ITPK1: variants seen among roughly 807,000 people sequenced by gnomAD.
ITPK1 encodes inositol 1,3,4-trisphosphate 5/6-kinase.
A neutral mutation model predicts 45.3 loss-of-function variants in ITPK1; 21 were observed. The observed-to-expected ratio is 0.46, with a 90% CI of 0.33 to 0.67. The LOEUF (loss-of-function observed/expected upper bound fraction) is 0.67, where lower values mean the gene tolerates loss of function less well. Ranked by LOEUF, ITPK1 falls within the 30% of genes least tolerant of loss-of-function variation. The pLI, the probability that ITPK1 is intolerant of heterozygous loss-of-function variation, is 0.02. For missense variants in ITPK1, 474 were observed against 573.5 expected, an observed-to-expected ratio of 0.83 and a Z score of 1.77; for synonymous variants, 258 against 253.6, an observed-to-expected ratio of 1.02 and a Z score of -0.16.
Position 92,940,862 on chromosome 14 carries a change from A to G in ITPK1, c.*699T>C. 5 of 1,288,624 alleles carry G rather than the reference A, an allele frequency of 3.9e-6. 1 individual carries two copies. The South Asian group carries it at 4.9e-5, about 13-fold the overall frequency. The allele number at this position is 1,288,624 out of a possible 1,614,324, so 79.8% of individuals were successfully genotyped here. A position where few individuals can be genotyped will look rare whatever the true frequency, so the allele number is the denominator to read the frequency against. On this transcript the variant is annotated 3_prime_UTR_variant, in exon 11 of 11. Transcript: ENST00000267615. Reference sequence around the variant, plus strand: ...AGCAGTGCTGGCTTAGGGGAAGGAGACCGCTGTGCAGGGCTAAATGGGACG... The same window carrying G: ...AGCAGTGCTGGCTTAGGGGAAGGAGGCCGCTGTGCAGGGCTAAATGGGACG...
intron 4 of ITPK1, among the ~76,000 whole-genome samples, chr14:92,996,434 G>A (rs1264570352): frequency 1.4e-5 from 2 of 139,874 alleles, no homozygotes; most frequent in African/African-American, 5.1e-5. Flanking sequence ...GGCCTGTCGC[G>A]GGGTGGGGGG....
chr14:93,004,359 C>T (rs1887501566), intron 4 of ITPK1, among the ~76,000 whole-genome samples: 1 of 152,226 alleles, frequency 6.6e-6, no homozygotes, highest in African/African-American at 2.4e-5. Flanking sequence ...TCTTTCCTAA[C>T]TTTTCTAAAA....
intron 5 of ITPK1, among the ~76,000 whole-genome samples, chr14:92,993,295 C>T (rs1430025623): frequency 6.6e-6 from 1 of 152,260 alleles, no homozygotes; most frequent in Non-Finnish European, 1.5e-5. Context: ...GTCTTTCTCA[C>T]ATAAACACCT....
chr14:93,074,685 G>A (rs1891146093), intron 3 of ITPK1, among the ~76,000 whole-genome samples: 1 of 152,222 alleles, frequency 6.6e-6, no homozygotes, highest in African/African-American at 2.4e-5. Context: ...CCAGCTGTCA[G>A]TCTCAGGCTT....
chr14:93,014,116 T>C lies in ITPK1; in HGVS notation c.246+2560A>G, dbSNP rs921358215. Among the ~76,000 whole-genome samples the C allele has an allele frequency of 6.6e-6, 1 of 151,958 alleles. No homozygotes were observed. Among genetic ancestry groups the C allele is most frequent in the Non-Finnish European group, 1.5e-5 (1 of 68,018 alleles). ...CGGCCTCTTACTGAAGCACAGACGG[T>C]GATGAAAATTTATCCCAGAAATATC... On this transcript the variant is annotated intron_variant, in intron 4 of 10. Coordinates refer to ENST00000267615, the MANE Select transcript of ITPK1 (RefSeq NM_014216.6). This position sits in a 1 kb window ranked among gnomAD's most constrained non-coding sequence, Gnocchi z 4.4.
At chr14:93,042,228 G>GA (rs539849482) in intron 3 of ITPK1, among the ~76,000 whole-genome samples, 144 of 152,302 alleles carry the variant, frequency 9.5e-4, no homozygotes, top group African/African-American at 3.2e-3. Context: ...CAGCAAACTG[G>GA]AAACACGTTT....
chr14:93,045,254 A>C (rs1182624106), intron 3 of ITPK1, among the ~76,000 whole-genome samples: 2 of 152,254 alleles, frequency 1.3e-5, no homozygotes, highest in African/African-American at 4.8e-5. Context: ...GCCAGTCAGC[A>C]GCTCTGCCTC....
intron 2 of ITPK1, among the ~76,000 whole-genome samples, chr14:93,083,750 C>T (rs936548222): frequency 1.3e-5 from 2 of 152,144 alleles, no homozygotes; most frequent in African/African-American, 2.4e-5. Context: ...GTGTTGATGG[C>T]CACACTGTTC....
intron 3 of ITPK1, among the ~76,000 whole-genome samples, chr14:93,033,551 C>T (rs368016997): frequency 6.6e-6 from 1 of 152,128 alleles, no homozygotes; most frequent in Non-Finnish European, 1.5e-5. Context: ...AGTGAGGGCC[C>T]CAGGACAGGA....
chr14:93,001,580 C>G (rs1052902208), intron 4 of ITPK1, among the ~76,000 whole-genome samples: 2 of 152,176 alleles, frequency 1.3e-5, no homozygotes, highest in African/African-American at 4.8e-5. Context: ...GTGCCACACC[C>G]AGAGGAAACT....
intron 3 of ITPK1, among the ~76,000 whole-genome samples, chr14:93,055,931 G>A (rs886885832): frequency 3.3e-5 from 5 of 152,286 alleles, no homozygotes; most frequent in African/African-American, 7.2e-5. Context: ...AGGAGCAGCC[G>A]GGGCACCCAG....
chr14:93,026,147 A>G (rs570549733), intron 3 of ITPK1, among the ~76,000 whole-genome samples: 9 of 152,264 alleles, frequency 5.9e-5, no homozygotes, highest in African/African-American at 2.2e-4. Context: ...TGGATGGAGA[A>G]TTACTTATAT....
intron 2 of ITPK1, among the ~76,000 whole-genome samples, chr14:93,109,307 T>A (rs529007357): frequency 2.0e-5 from 3 of 151,376 alleles, no homozygotes; most frequent in African/African-American, 7.3e-5. Context: ...GTAATACATA[T>A]GGAGAGACCT....
intron 3 of ITPK1, among the ~76,000 whole-genome samples, chr14:93,035,905 A>C (rs1265227805): frequency 6.6e-6 from 1 of 152,224 alleles, no homozygotes; most frequent in Admixed American, 6.5e-5. Context: ...AGAGAGGTCC[A>C]AGGCCTGGGC....
chr14:93,031,388 G>A (rs937196377), intron 3 of ITPK1, among the ~76,000 whole-genome samples: 17 of 152,250 alleles, frequency 1.1e-4, no homozygotes, highest in Admixed American at 9.2e-4. Flanking sequence ...AGAGACCGCT[G>A]TGGAAGTTAA....
chr14:93,013,335 G>C (rs1934187371), intron 4 of ITPK1, among the ~76,000 whole-genome samples: 1 of 152,164 alleles, frequency 6.6e-6, no homozygotes, highest in Non-Finnish European at 1.5e-5. Context: ...GGGCAGTGAT[G>C]AAGGTTCTGT....
At chr14:93,094,299 C>A (rs1891979865) in intron 2 of ITPK1, among the ~76,000 whole-genome samples, 1 of 152,206 alleles carries the variant, frequency 6.6e-6, no homozygotes, top group Non-Finnish European at 1.5e-5. Flanking sequence ...AGAAGCAGAG[C>A]TGAATCACCG....
chr14:93,064,296 T>A (rs1457979436), intron 3 of ITPK1, among the ~76,000 whole-genome samples: 1 of 151,932 alleles, frequency 6.6e-6, no homozygotes, highest in Non-Finnish European at 1.5e-5. Context: ...AAATAAAAAT[T>A]AAAATTTTCG....
intron 5 of ITPK1, among the ~76,000 whole-genome samples, chr14:92,975,659 T>G (rs1200302053): frequency 6.6e-6 from 1 of 152,180 alleles, no homozygotes; most frequent in African/African-American, 2.4e-5. Flanking sequence ...GTCCAATCAG[T>G]CAAAGGCCTG....
Sources: gnomAD v4.1 joint callset for allele counts (sites outside exome capture counted in the v4.1 genomes callset) on GRCh38, gnomAD v4.1.1 for gene constraint, Gnocchi (gnomAD v3.1) non-coding constraint, MANE v1.5 for transcripts, NCBI Gene and HGNC (gene_info 2026-07-23, HGNC 2026-07-21) for gene names.